The following NTM variants were observed in gnomAD, a reference collection of about 807,000 sequenced individuals.
NTM encodes the protein IgLON family member 2.
A neutral mutation model predicts 42.1 loss-of-function variants in NTM; 13 were observed. The ratio of observed to expected loss-of-function variants is 0.31; its 90% confidence interval spans 0.20 to 0.49. The LOEUF (loss-of-function observed/expected upper bound fraction) is 0.49. NTM is among the 20% of genes least tolerant of loss of function. The pLI is 0.99. For missense variants in NTM, 373 were observed against 452.8 expected (o/e 0.82, Z 1.60); for synonymous variants, 187 against 179.2 (o/e 1.04, Z -0.35).
intron 1 of NTM, among the ~76,000 whole-genome samples, chr11:131,666,329 C>T (rs746659830): frequency 3.9e-5 from 6 of 152,162 alleles, no homozygotes; most frequent in Non-Finnish European, 7.3e-5. Context: ...CTTATAATTG[C>T]CAGAGGGTTC....
intron 7 of NTM, among the ~76,000 whole-genome samples, chr11:132,326,879 C>T (rs1051602379): frequency 7.9e-5 from 12 of 152,168 alleles, no homozygotes; most frequent in Admixed American, 6.5e-4. Context: ...CTTACCTTAC[C>T]TCAGAAATAC....
intron 1 of NTM, chr11:131,538,783 A>G (rs1017357105): frequency 1.3e-5 from 2 of 152,182 alleles, no homozygotes; most frequent in Non-Finnish European, 2.9e-5. Context: ...TAGAGGGAAT[A>G]AGTTTTTGAG....
intron 4 of NTM, among the ~76,000 whole-genome samples, chr11:132,253,742 C>G (rs1375873971): frequency 6.6e-6 from 1 of 152,160 alleles, no homozygotes; most frequent in Non-Finnish European, 1.5e-5. Flanking sequence ...GACTTTTTCC[C>G]CCTCCTCTCA....
intron 1 of NTM, among the ~76,000 whole-genome samples, chr11:131,743,792 C>G (rs997202154): frequency 1.3e-5 from 2 of 152,190 alleles, no homozygotes; most frequent in Non-Finnish European, 2.9e-5. Flanking sequence ...CAGCATAATA[C>G]AGACAAACTA....
In NTM at chr11:131,660,726, G is replaced by C. The variant is rs1347810017; in HGVS notation, c.83-250838G>C. 5.7e-6 allele frequency: 3 copies of C among 525,090 alleles called. No individual in the cohort carries two copies. The African/African-American group carries it at 6.0e-5, about 11-fold the overall frequency. 32.5% of individuals were successfully genotyped at this position (525,090 alleles called of 1,614,324 possible). A position where few individuals can be genotyped will look rare whatever the true frequency, so the allele number is the denominator to read the frequency against. On this transcript the variant is annotated intron_variant, in intron 1 of 8. Transcript: ENST00000683400. ...GGTGAAGAGGGACGGAGGAGGCAAA[G>C]AAACAAAAGGAAAATCACGAAGGGA...
chr11:131,711,250 C>G (rs914160852), intron 1 of NTM, among the ~76,000 whole-genome samples: 1 of 152,148 alleles, frequency 6.6e-6, no homozygotes, highest in Non-Finnish European at 1.5e-5. Context: ...GGGCTAATAT[C>G]CAGAATCTAC....
chr11:131,379,941 C>T (rs1013918887), intron 1 of NTM, among the ~76,000 whole-genome samples: 3 of 152,168 alleles, frequency 2.0e-5, no homozygotes, highest in Non-Finnish European at 4.4e-5. Context: ...ATTATAGCTT[C>T]TCCTGATTCC....
intron 1 of NTM, among the ~76,000 whole-genome samples, chr11:131,798,804 A>C (rs1312367294): frequency 1.3e-5 from 2 of 152,184 alleles, no homozygotes; most frequent in Non-Finnish European, 2.9e-5. Flanking sequence ...GATGGATAAT[A>C]ACCCTCTGTA....
chr11:132,313,892 C>G (rs2095350786), intron 6 of NTM, among the ~76,000 whole-genome samples: 1 of 152,106 alleles, frequency 6.6e-6, no homozygotes, highest in African/African-American at 2.4e-5. Flanking sequence ...GGGACATATT[C>G]TTGGGAACCT....
intron 7 of NTM, among the ~76,000 whole-genome samples, chr11:132,327,625 C>T (rs1163992967): frequency 1.3e-5 from 2 of 152,220 alleles, no homozygotes; most frequent in Admixed American, 6.5e-5. Flanking sequence ...CAGACAACAG[C>T]CCTTTGCTTA....
Position 131,688,580 on chromosome 11 carries a change from G to A in NTM, c.83-222984G>A, listed in dbSNP as rs1033517810. On this transcript the variant is annotated intron_variant, in intron 1 of 8. Coordinates refer to ENST00000683400, the MANE Select transcript of NTM (RefSeq NM_001352005.2). ...AGGCTCTTCTCTGGCTGCCCCCTCT[G>A]TGCCCCGGGTTGCTCTTGCCCTGCG... 1.1e-4 allele frequency among the ~76,000 whole-genome samples: 17 copies of A among 152,336 alleles called. 1 individual carries two copies. The East Asian group carries it at 2.9e-3, about 26-fold the overall frequency.
rs759304777 is a variant in NTM at position 132,002,033 on chromosome 11, A to G, written c.167+90385A>G. On this transcript the variant is annotated intron_variant, in intron 2 of 8. Transcript: ENST00000683400. This position sits in a 1 kb window ranked among gnomAD's most constrained non-coding sequence, Gnocchi z 4.5. ...AACTTGAATAAAAGCAATGGCAGGG[A>G]CAGCCAAAGAGGAATCAGAATCAGT... 1.2e-4 allele frequency among the ~76,000 whole-genome samples: 19 copies of G among 152,176 alleles called. No individual in the cohort carries two copies. The highest frequency in any genetic ancestry group is 2.2e-4 in the Non-Finnish European group (15 of 68,036).
At chr11:132,154,050 C>A (rs4072337) in intron 3 of NTM, among the ~76,000 whole-genome samples, 7 of 152,044 alleles carry the variant, frequency 4.6e-5, no homozygotes, top group Admixed American at 1.3e-4. Context: ...GAAGGCTGAA[C>A]GTGTATGTTG....
intron 1 of NTM, among the ~76,000 whole-genome samples, chr11:131,850,406 C>CA (rs2045393639): frequency 6.6e-6 from 1 of 152,164 alleles, no homozygotes; most frequent in Non-Finnish European, 1.5e-5. Context: ...TCTGATGATA[C>CA]AGTGCTAAGA....
At chr11:131,570,782 CACT>C (rs1287585568) in intron 1 of NTM, among the ~76,000 whole-genome samples, 2 of 152,208 alleles carry the variant, frequency 1.3e-5, no homozygotes, top group Non-Finnish European at 2.9e-5. Context: ...AAGATGGCGC[CACT>C]GCACTCCAGC....
intron 2 of NTM, among the ~76,000 whole-genome samples, chr11:132,125,860 G>C (rs1288710780): frequency 4.3e-5 from 1 of 23,480 alleles, no homozygotes; most frequent in Non-Finnish European, 9.5e-5. Flanking sequence ...GTATGCTGTG[G>C]TATGTGGTGT....
At chr11:131,867,359 TTGTCTGTG>T (rs936647797) in intron 1 of NTM, among the ~76,000 whole-genome samples, 1 of 152,160 alleles carries the variant, frequency 6.6e-6, no homozygotes, top group African/African-American at 2.4e-5. Context: ...GCCTGTATGT[TTGTCTGTG>T]TGTCTGGGGG....
At chr11:131,568,934 T>C (rs563423402) in intron 1 of NTM, among the ~76,000 whole-genome samples, 66 of 152,294 alleles carry the variant, frequency 4.3e-4, no homozygotes, top group African/African-American at 1.4e-3. Flanking sequence ...TTCCAGAACA[T>C]ATCATTCACC....
chr11:131,487,257 CTG>C (rs1264890220), intron 1 of NTM, among the ~76,000 whole-genome samples: 1 of 152,168 alleles, frequency 6.6e-6, no homozygotes, highest in African/African-American at 2.4e-5. Flanking sequence ...TTGCTGAACT[CTG>C]GAGAATATAA....
Sources: gnomAD v4.1 joint callset for allele counts (sites outside exome capture counted in the v4.1 genomes callset) on GRCh38, gnomAD v4.1.1 for gene constraint, Gnocchi (gnomAD v3.1) non-coding constraint, MANE v1.5 for transcripts, NCBI Gene and HGNC (gene_info 2026-07-23, HGNC 2026-07-21) for gene names.